The following TTLL10 variants were observed in gnomAD, a reference collection of about 807,000 sequenced individuals.
TTLL10 encodes the protein tubulin tyrosine ligase like 10, also known as inactive polyglycylase TTLL10.
In TTLL10, 61 loss-of-function variants were observed where a neutral mutation model predicts 69.0. The ratio of observed to expected loss-of-function variants is 0.88; its 90% CI spans 0.72 to 1.09. The LOEUF (loss-of-function observed/expected upper bound fraction) is 1.09. TTLL10 is among the 50% of genes least tolerant of loss of function. The pLI is 0.00. For missense variants in TTLL10, 962 were observed against 945.9 expected (o/e 1.02, Z -0.22); for synonymous variants, 408 against 393.3 (o/e 1.04, Z -0.44).
At chr1:1,194,682 A>C (rs1648073923) in intron 13 of TTLL10, among the ~76,000 whole-genome samples, 1 of 152,150 alleles carries the variant, frequency 6.6e-6, no homozygotes, top group South Asian at 2.1e-4. Context: ...CTGGCTGTTC[A>C]TCTTTCTGTG....
chr1:1,196,955 A>T, intron 14 of TTLL10, 138 bp from the exon 15 acceptor site: 1 of 889,030 alleles, frequency 1.1e-6, no homozygotes. Flanking sequence ...TCAGAGCTTC[A>T]GTGGACAAAC....
In TTLL10 at chr1:1,185,368, G is replaced by A. The variant is rs955905720; in HGVS notation, c.1401+259G>A. 63 of 1,347,922 alleles carry A rather than the reference G, an allele frequency of 4.7e-5. No homozygotes were observed. The highest frequency in any genetic ancestry group is 3.3e-4 in the South Asian group (18 of 53,880). The allele number at this position is 1,347,922 out of a possible 1,614,324, so 83.5% of individuals were successfully genotyped here. On this transcript the variant is annotated intron_variant, in intron 13 of 15. Transcript: ENST00000379289. The surrounding 1 kb of genome is among the most constrained non-coding windows in gnomAD (Gnocchi z 6.1). Reference sequence around the variant, plus strand: ...CACGAGTCCCGCGGGCAGCCTCGCCGTAGGGTCAGGGGACAGCTCGGCTTC... The same window carrying A: ...CACGAGTCCCGCGGGCAGCCTCGCCATAGGGTCAGGGGACAGCTCGGCTTC...
intron 13 of TTLL10, among the ~76,000 whole-genome samples, chr1:1,191,228 T>A (rs530311803): frequency 6.6e-6 from 1 of 152,354 alleles, no homozygotes; most frequent in East Asian, 1.9e-4. Context: ...TTCCTTCTGT[T>A]ATTGACTTCT....
At chr1:1,192,673 G>A (rs905448585) in intron 13 of TTLL10, among the ~76,000 whole-genome samples, 13 of 149,778 alleles carry the variant, frequency 8.7e-5, no homozygotes, top group Non-Finnish European at 1.3e-4. Flanking sequence ...ACTCCAGTTC[G>A]TATCAGTGTA....
intron 3 of TTLL10, among the ~76,000 whole-genome samples, chr1:1,178,113 G>C (rs931660357): frequency 5.9e-5 from 9 of 152,156 alleles, no homozygotes; most frequent in African/African-American, 1.9e-4. Flanking sequence ...AGACACAAAG[G>C]CTTCCTGCGG....
rs1222613050 is a variant in TTLL10, at chr1:1,197,827, C to T, written c.2002C>T (p.Pro668Ser). ...PGTAKEEREE[P>S]ENARP ...GACAGCCAAGGAGGAACGCGAGGAG[C>T]CTGAGAACGCGAGGCCCTAGGGGCA... Residue 668 changes from proline (P) to serine (S), a missense_variant, in exon 16 of 16, where the codon CCT (proline) becomes TCT (serine). By Grantham distance (74) the Pro-to-Ser change is moderately conservative (BLOSUM62 -1). Coordinates refer to ENST00000379289, the MANE Select transcript of TTLL10 (RefSeq NM_001130045.2). The T allele has an allele frequency of 6.7e-7, 1 of 1,502,036 alleles. No individual in the cohort carries two copies. The highest frequency in any genetic ancestry group is 1.3e-5 in the South Asian group (1 of 79,520). 93.0% of individuals were successfully genotyped at this position (1,502,036 alleles called of 1,614,324 possible).
chr1:1,195,918 A>C (rs1219407357), intron 13 of TTLL10, among the ~76,000 whole-genome samples: 2 of 151,696 alleles, frequency 1.3e-5, no homozygotes, highest in African/African-American at 4.8e-5. Flanking sequence ...CTGGGACTAC[A>C]GGTGTGAGCC....
intron 11 of TTLL10, 77 bp from the exon 12 acceptor site, chr1:1,183,841 GCC>G (rs1647155455): frequency 1.3e-6 from 2 of 1,573,324 alleles, no homozygotes; most frequent in African/African-American, 2.7e-5. Flanking sequence ...AATGGAACAG[GCC>G]CGGGGTGGGG....
rs771150891 is a variant in TTLL10, at chr1:1,186,971, C to T, written c.1401+1862C>T. Among the ~76,000 whole-genome samples, 10 of 151,684 alleles carry T rather than the reference C, an allele frequency of 6.6e-5. No homozygotes were observed. In the East Asian group the frequency reaches 1.6e-3, roughly 24 times the overall value. ...ACGCCATTCTCCTGCCTCAGCCTCC[C>T]GAGTAGCTGGGACTACAGGCGCCCG... On this transcript the variant is annotated intron_variant, in intron 13 of 15. Transcript: ENST00000379289.
intron 5 of TTLL10, 104 bp downstream of exon 5, chr1:1,179,841 C>G (rs529964752): frequency 2.7e-6 from 4 of 1,457,934 alleles, no homozygotes; most frequent in Non-Finnish European, 3.6e-6. Flanking sequence ...GTGGTCACGG[C>G]CCCTCCCCAG....
chr1:1,195,742 C>G (rs1648159070), intron 13 of TTLL10, among the ~76,000 whole-genome samples: 1 of 152,156 alleles, frequency 6.6e-6, no homozygotes, highest in Middle Eastern at 3.4e-3. Context: ...TGGGCTCAAG[C>G]AGTCCTCCCA....
At chr1:1,180,457 G>GGGC in intron 6 of TTLL10, 26 bp from the exon 7 acceptor site, 1 of 1,520,746 alleles carries the variant, frequency 6.6e-7, no homozygotes, top group Non-Finnish European at 8.9e-7. Flanking sequence ...CGGCCCCCAG[G>GGGC]TCACCCCCGC....
chr1:1,196,508 T>G (rs1004120071), intron 13 of TTLL10, 92 bp from the exon 14 acceptor site: 1 of 917,426 alleles, frequency 1.1e-6, no homozygotes. Flanking sequence ...CAGATGGGAG[T>G]GCAGGTGAGG....
At chr1:1,193,241 C>A (rs182598748) in intron 13 of TTLL10, among the ~76,000 whole-genome samples, 1 of 152,000 alleles carries the variant, frequency 6.6e-6, no homozygotes, top group Admixed American at 6.6e-5. Flanking sequence ...AGGAGAATGG[C>A]GTGAACCCAG....
In TTLL10 at chr1:1,195,579, A is replaced by G. The variant is rs567872183; in HGVS notation, c.1402-1021A>G. On this transcript the variant is annotated intron_variant, in intron 13 of 15. Coordinates refer to ENST00000379289, the MANE Select transcript of TTLL10 (RefSeq NM_001130045.2). ...AGGCTTGTCTCGAACTCCTGACCTC[A>G]GGTGATCCACCCACCTCAGCTTCCC... is the stretch of plus-strand genomic sequence containing the variant. Among the ~76,000 whole-genome samples the G allele has an allele frequency of 2.2e-3, 318 of 143,008 alleles. 1 individual carries two copies. In the Middle Eastern group the frequency reaches 0.037, roughly 17 times the overall value. The allele number at this position is 143,008 out of a possible 152,430, so 93.8% of individuals were successfully genotyped here. A position where few individuals can be genotyped will look rare whatever the true frequency, so the allele number is the denominator to read the frequency against.
chr1:1,183,517 C>T (rs1011247600), intron 11 of TTLL10, among the ~76,000 whole-genome samples: 3 of 152,192 alleles, frequency 2.0e-5, no homozygotes, highest in Admixed American at 6.5e-5. Context: ...CCACAGCTGC[C>T]GTCTGCCGTC....
chr1:1,186,542 G>C (rs2100897756), intron 13 of TTLL10, among the ~76,000 whole-genome samples: 1 of 152,244 alleles, frequency 6.6e-6, no homozygotes, highest in East Asian at 1.9e-4. Flanking sequence ...CAGTGCTCCT[G>C]GGAAAATACC....
chr1:1,180,198 C>T lies in TTLL10; in HGVS notation c.364C>T (p.Pro122Ser), dbSNP rs767192114. Reference sequence around the variant, plus strand: ...CCCTGGGCTCCTGAACAGCCACCGGCCTGCAGACTCGGATGACACTAACGC... The same window carrying T: ...CCCTGGGCTCCTGAACAGCCACCGGTCTGCAGACTCGGATGACACTAACGC... The part of the protein sequence containing the change: ...GPPGLLNSHR[P>S]ADSDDTNAAG... The change falls in exon 6 of 16, where the codon CCT becomes TCT. Residue 122 changes from proline to serine, a missense_variant. Transcript: ENST00000379289. 6.2e-7 allele frequency: 1 copy of T among 1,611,272 alleles called. No individual in the cohort carries two copies. Among genetic ancestry groups the T allele is most frequent in the Non-Finnish European group, 8.5e-7 (1 of 1,179,392 alleles).
Position 1,192,721 on chromosome 1 carries a change from A to G in TTLL10, c.1402-3879A>G, listed in dbSNP as rs74625822. The stretch of plus-strand genomic sequence containing the variant: ...GGTATGAGTGTAGACACTCCAGTTG[A>G]TATCAGTGTAGACACTCCAGTTGGT... On this transcript the variant is annotated intron_variant, in intron 13 of 15. Coordinates refer to ENST00000379289, the MANE Select transcript of TTLL10 (RefSeq NM_001130045.2). 4.2e-3 allele frequency among the ~76,000 whole-genome samples: 500 copies of G among 117,782 alleles called. 18 individuals are homozygous for G. Among genetic ancestry groups the G allele is most frequent in the African/African-American group, 0.012 (251 of 21,638 alleles). 77.3% of individuals were successfully genotyped at this position (117,782 alleles called of 152,430 possible).
Sources: gnomAD v4.1 joint callset for allele counts (sites outside exome capture counted in the v4.1 genomes callset) on GRCh38, gnomAD v4.1.1 for gene constraint, Gnocchi (gnomAD v3.1) non-coding constraint, MANE v1.5 for transcripts, NCBI Gene and HGNC (gene_info 2026-07-23, HGNC 2026-07-21) for gene names.